Variants in COL28A1 observed in about 807,000 individuals in gnomAD.
The protein encoded by COL28A1 is collagen alpha-1(XXVIII) chain.
Under a neutral mutation model 150.2 loss-of-function variants are expected in COL28A1, and 161 were observed. That is an observed-to-expected ratio of 1.07 (90% CI 0.94 to 1.22). The LOEUF is 1.22. Ranked by LOEUF, COL28A1 falls within the 50% of genes most tolerant of loss-of-function variation. COL28A1 has a pLI of 0.00. For missense variants in COL28A1, 1,617 were observed against 1,388.3 expected, an observed-to-expected ratio of 1.16 and a Z score of -2.62; for synonymous variants, 552 against 469.7, an observed-to-expected ratio of 1.18 and a Z score of -2.26.
At chr7:7,364,874 T>C (rs966158472) in intron 33 of COL28A1, among the ~76,000 whole-genome samples, 1 of 152,200 alleles carries the variant, frequency 6.6e-6, no homozygotes, top group African/African-American at 2.4e-5. Flanking sequence ...AAAGTATCCA[T>C]TAAATAAATT....
At chr7:7,439,011 G>C (rs1392055148) in intron 21 of COL28A1, among the ~76,000 whole-genome samples, 3 of 152,192 alleles carry the variant, frequency 2.0e-5, no homozygotes, top group Non-Finnish European at 4.4e-5. Context: ...AGAATGAGCT[G>C]TATCTATGCT....
In COL28A1 at chr7:7,373,511, G is replaced by T. The variant is rs1781348635; in HGVS notation, c.2395C>A (p.Leu799Met). ...GPKCKETPLE[L>M]VFVIDSSESV... ...TCTGAGCTGTCGATCACAAACACCA[G>T]CTCTAGTGGAGTCTCTTTGCATTTG... The change falls in exon 32 of 35, where the codon CTG (leucine) becomes ATG (methionine). Residue 799 changes from leucine to methionine, a missense_variant. By Grantham distance (15) the Leu-to-Met change is conservative. Coordinates refer to ENST00000399429, the MANE Select transcript of COL28A1 (RefSeq NM_001037763.3). This position sits in a 1 kb window ranked among gnomAD's most constrained non-coding sequence, Gnocchi z 4.1. 6 of 1,613,378 alleles carry T rather than the reference G, an allele frequency of 3.7e-6. No individual in the cohort carries two copies. Among genetic ancestry groups the T allele is most frequent in the Middle Eastern group, 1.6e-4 (1 of 6,082 alleles).
intron 11 of COL28A1, among the ~76,000 whole-genome samples, chr7:7,496,165 CT>C (rs1376706713): frequency 1.3e-5 from 2 of 151,972 alleles, no homozygotes; most frequent in Admixed American, 6.6e-5. Flanking sequence ...CACTGTTTTC[CT>C]TTTTTTTCTG....
chr7:7,529,289 C>CA (rs5882129), intron 3 of COL28A1, among the ~76,000 whole-genome samples: 35,968 of 127,110 alleles, frequency 0.28, 5,542 homozygotes, highest in Non-Finnish European at 0.33. Context: ...AACTCTGTCT[C>CA]AAAAAAAAAA....
In COL28A1 at chr7:7,510,402, AG is replaced by A. The variant is rs576177867; in HGVS notation, c.927+688del. Among the ~76,000 whole-genome samples the A allele has an allele frequency of 2.9e-3, 443 of 152,250 alleles. 1 individual carries two copies. The highest frequency in any genetic ancestry group is 6.3e-3 in the African/African-American group (263 of 41,530). On this transcript the variant is annotated intron_variant, in intron 9 of 34. Transcript: ENST00000399429. ...TGGGTTCAAGCAATTTTCCTGTCTCAGCCTCCTGAGTAGCTGGGACTACAGG... is the reference window on the plus strand; with the variant it reads ...TGGGTTCAAGCAATTTTCCTGTCTCACCTCCTGAGTAGCTGGGACTACAGG...
intron 27 of COL28A1, among the ~76,000 whole-genome samples, chr7:7,405,174 A>G (rs1239767501): frequency 6.6e-6 from 1 of 152,240 alleles, no homozygotes; most frequent in Non-Finnish European, 1.5e-5. Flanking sequence ...AAACTTGTAT[A>G]TGAACTAATT....
intron 3 of COL28A1, among the ~76,000 whole-genome samples, chr7:7,529,434 G>A (rs532864247): frequency 1.3e-5 from 2 of 152,226 alleles, no homozygotes; most frequent in African/African-American, 4.8e-5. Context: ...CTTCTAAAAA[G>A]TGGTTTATTC....
At chr7:7,519,902 T>A (rs1781618548) in intron 6 of COL28A1, among the ~76,000 whole-genome samples, 160 bp downstream of exon 6, 1 of 152,162 alleles carries the variant, frequency 6.6e-6, no homozygotes, top group African/African-American at 2.4e-5. Context: ...CTAATAGAAA[T>A]AAGATAGATA....
chr7:7,347,382 A>C, the COL28A1 span, among the ~76,000 whole-genome samples: 2 of 152,106 alleles, frequency 1.3e-5, no homozygotes, highest in Non-Finnish European at 2.9e-5. Flanking sequence ...TTCTAAGAAA[A>C]ATGGCTGTTC....
At chr7:7,463,926 C>G (rs111501044) in intron 15 of COL28A1, among the ~76,000 whole-genome samples, 128 of 152,238 alleles carry the variant, frequency 8.4e-4, no homozygotes, top group African/African-American at 2.9e-3. Context: ...TCACCTAACA[C>G]ATAAGGACTC....
At chr7:7,389,009 A>G (rs1782371001) in intron 27 of COL28A1, among the ~76,000 whole-genome samples, 1 of 151,820 alleles carries the variant, frequency 6.6e-6, no homozygotes, top group South Asian at 2.1e-4. Flanking sequence ...ATTAGATCCC[A>G]TTTGTCAATT....
chr7:7,429,722 T>G (rs1784846977), intron 25 of COL28A1, among the ~76,000 whole-genome samples: 1 of 152,094 alleles, frequency 6.6e-6, no homozygotes, highest in Admixed American at 6.5e-5. Context: ...ACAACACAAT[T>G]TCCATGGGAA....
intron 11 of COL28A1, among the ~76,000 whole-genome samples, chr7:7,496,316 T>C (rs1374265957): frequency 6.6e-6 from 1 of 152,212 alleles, no homozygotes; most frequent in East Asian, 1.9e-4. Flanking sequence ...CAATCATCCA[T>C]GCACCAGACA....
chr7:7,390,592 T>C (rs1782482421), intron 27 of COL28A1, among the ~76,000 whole-genome samples: 1 of 152,110 alleles, frequency 6.6e-6, no homozygotes, highest in Non-Finnish European at 1.5e-5. Context: ...TGTACCTCTG[T>C]TAGAATTCGG....
At chr7:7,410,300 G>A (rs185472360) in intron 27 of COL28A1, among the ~76,000 whole-genome samples, 1 of 152,226 alleles carries the variant, frequency 6.6e-6, no homozygotes, top group Admixed American at 6.5e-5. Context: ...TCTATAACCA[G>A]GTTTGTAGAT....
At chr7:7,432,067 G>A (rs1239853478) in intron 25 of COL28A1, among the ~76,000 whole-genome samples, 1 of 152,186 alleles carries the variant, frequency 6.6e-6, no homozygotes, top group Admixed American at 6.5e-5. Context: ...ATACATGGTA[G>A]GAAATTAGAT....
chr7:7,339,414 C>A, the COL28A1 span, among the ~76,000 whole-genome samples: 1 of 152,082 alleles, frequency 6.6e-6, no homozygotes, highest in Non-Finnish European at 1.5e-5. Flanking sequence ...TGATATAAAC[C>A]TTACCAAACC....
At chr7:7,478,787 G>T (rs974540829) in intron 13 of COL28A1, among the ~76,000 whole-genome samples, 2 of 152,266 alleles carry the variant, frequency 1.3e-5, no homozygotes, top group African/African-American at 4.8e-5. Context: ...GCTGGCGCGG[G>T]TGCTAAGCCT....
Position 7,507,480 on chromosome 7 carries a change from T to C in COL28A1, c.928-319A>G, listed in dbSNP as rs17461446. On this transcript the variant is annotated intron_variant, in intron 9 of 34. Transcript: ENST00000399429. ...TTAGAGGGCTATAAACTTATTGGAA[T>C]ATTATTTCCTTCCGACAGGGTAATG... is the stretch of plus-strand genomic sequence containing the variant. Among the ~76,000 whole-genome samples the C allele has an allele frequency of 4.6e-3, 701 of 152,352 alleles. 5 individuals carry two copies. Among genetic ancestry groups the C allele is most frequent in the East Asian group, 0.022 (114 of 5,184 alleles).
Sources: gnomAD v4.1 joint callset for allele counts (sites outside exome capture counted in the v4.1 genomes callset) on GRCh38, gnomAD v4.1.1 for gene constraint, Gnocchi (gnomAD v3.1) non-coding constraint, MANE v1.5 for transcripts, NCBI Gene and HGNC (gene_info 2026-07-23, HGNC 2026-07-21) for gene names.